PCDHA10: variants seen among roughly 807,000 people sequenced by gnomAD.
PCDHA10 encodes protocadherin alpha 10.
Under a neutral mutation model 61.2 loss-of-function variants are expected in PCDHA10, and 45 were observed. The observed-to-expected ratio is 0.74, with a 90% CI of 0.58 to 0.94. The LOEUF (loss-of-function observed/expected upper bound fraction) is 0.94. Among genes scored for constraint, PCDHA10 ranks in the 40% least tolerant of loss-of-function variants. The pLI is 0.00. For synonymous variants in PCDHA10, 602 were observed against 548.8 expected (o/e 1.10, Z -1.35); for missense variants, 1,278 against 1,236.2 (o/e 1.03, Z -0.51).
At chr5:140,870,593 G>C (rs991131905) in intron 1 of PCDHA10, 2 of 1,613,454 alleles carry the variant, frequency 1.2e-6, no homozygotes, top group Admixed American at 3.3e-5. Flanking sequence ...GTGGAGCGGC[G>C]GTTGGGCGAC....
intron 1 of PCDHA10, among the ~76,000 whole-genome samples, chr5:140,894,027 A>G (rs1251239546): frequency 6.6e-6 from 1 of 152,206 alleles, no homozygotes; most frequent in Non-Finnish European, 1.5e-5. Context: ...AGTTCTGCAT[A>G]CTGGTAATGT....
At chr5:140,889,872 G>A (rs1554184085) in intron 1 of PCDHA10, among the ~76,000 whole-genome samples, 1 of 152,140 alleles carries the variant, frequency 6.6e-6, no homozygotes, top group South Asian at 2.1e-4. Flanking sequence ...GGGGAAGCCT[G>A]CCACCATGTA....
At chr5:140,917,301 G>T (rs2078005324) in intron 1 of PCDHA10, among the ~76,000 whole-genome samples, 1 of 138,576 alleles carries the variant, frequency 7.2e-6, no homozygotes, top group Non-Finnish European at 1.5e-5. Flanking sequence ...GCAGATAGTT[G>T]TTACAATTTG....
At chr5:140,991,590 G>A (rs1211923014) in intron 3 of PCDHA10, among the ~76,000 whole-genome samples, 2 of 152,098 alleles carry the variant, frequency 1.3e-5, no homozygotes, top group Non-Finnish European at 2.9e-5. Context: ...ATTTCTACCT[G>A]AGCCCTCACT....
chr5:140,941,255 C>CTTTCTTTTTCTT (rs782490896), intron 1 of PCDHA10, among the ~76,000 whole-genome samples: 1 of 44,508 alleles, frequency 2.2e-5, no homozygotes, highest in Non-Finnish European at 5.1e-5. Context: ...TTCTTTCTTT[C>CTTTCTTTTTCTT]TCTTTCTTTC....
intron 3 of PCDHA10, among the ~76,000 whole-genome samples, chr5:140,992,799 A>T (rs577698123): frequency 6.6e-6 from 1 of 152,274 alleles, no homozygotes; most frequent in African/African-American, 2.4e-5. Flanking sequence ...TTATGGATCC[A>T]TATGTATCTA....
chr5:140,928,428 C>T (rs1273911750), intron 1 of PCDHA10: 2 of 1,614,026 alleles, frequency 1.2e-6, no homozygotes, highest in Non-Finnish European at 8.5e-7. Flanking sequence ...CCAAAACTTC[C>T]TTTGACTTTG....
chr5:140,921,257 A>G lies in PCDHA10; in HGVS notation c.2389-57692A>G, dbSNP rs115706395. On this transcript the variant is annotated intron_variant, in intron 1 of 3. Coordinates refer to ENST00000307360, the MANE Select transcript of PCDHA10 (RefSeq NM_018901.4). The stretch of plus-strand genomic sequence containing the variant: ...ATTAAGCCACAGATCAAAAAGTCCT[A>G]GACTTTTATACTTACTTGAAAAAAA... 1.4e-3 allele frequency among the ~76,000 whole-genome samples: 213 copies of G among 152,258 alleles called. 1 individual carries two copies. The highest frequency in any genetic ancestry group is 4.8e-3 in the African/African-American group (199 of 41,532).
chr5:140,893,958 T>C (rs1391607597), intron 1 of PCDHA10, among the ~76,000 whole-genome samples: 2 of 152,228 alleles, frequency 1.3e-5, no homozygotes, highest in African/African-American at 4.8e-5. Flanking sequence ...ACTTTATTAG[T>C]CATTAGATAC....
intron 1 of PCDHA10, chr5:140,928,482 TG>T (rs782531828): frequency 6.2e-7 from 1 of 1,614,024 alleles, no homozygotes; most frequent in African/African-American, 1.3e-5. Context: ...GCCGGGATGG[TG>T]GCATTCCTCC....
At chr5:140,883,773 G>C (rs1362933627) in intron 1 of PCDHA10, 11 of 1,612,372 alleles carry the variant, frequency 6.8e-6, no homozygotes, top group Non-Finnish European at 9.3e-6. Context: ...GTGGGCGAGC[G>C]TGCGCTGTCG....
intron 1 of PCDHA10, among the ~76,000 whole-genome samples, chr5:140,921,194 A>T (rs187774850): frequency 1.3e-5 from 2 of 152,046 alleles, no homozygotes; most frequent in Admixed American, 1.3e-4. Context: ...TTCACAATAG[A>T]TTGACAACGA....
At position 140,858,366 on chromosome 5, in the gene PCDHA10, G is replaced by A. The variant is rs2045372675; in HGVS notation, c.2318G>A (p.Ser773Asn). 1 of 1,590,834 alleles carries A rather than the reference G, an allele frequency of 6.3e-7. No individual in the cohort carries two copies. Among genetic ancestry groups the A allele is most frequent in the Admixed American group, 1.7e-5 (1 of 57,990 alleles). ...GCGGACCTCATGGCCTTCAGCCCCAGCCTTCCACCATGCCCAATGGTAGAT... is the reference window on the plus strand; with the variant it reads ...GCGGACCTCATGGCCTTCAGCCCCAACCTTCCACCATGCCCAATGGTAGAT... Reference protein sequence around the residue: ...PKADLMAFSPSLPPCPMVDVD... With the variant: ...PKADLMAFSPNLPPCPMVDVD... The change falls in exon 1 of 4, where the codon AGC becomes AAC. Residue 773 changes from serine to asparagine, a missense_variant. Transcript: ENST00000307360.
chr5:140,921,017 T>C (rs2153559418), intron 1 of PCDHA10, among the ~76,000 whole-genome samples: 1 of 152,192 alleles, frequency 6.6e-6, no homozygotes, highest in African/African-American at 2.4e-5. Context: ...TCTTGCTATG[T>C]TTTCTAGACT....
intron 1 of PCDHA10, among the ~76,000 whole-genome samples, chr5:140,886,681 C>T (rs1184298079): frequency 1.3e-5 from 2 of 151,832 alleles, no homozygotes; most frequent in Admixed American, 6.6e-5. Context: ...CAAAAATTAG[C>T]GAGGCATGGT....
In PCDHA10 at chr5:140,876,944, C is replaced by T. The variant is rs550148099; in HGVS notation, c.2388+18508C>T. On this transcript the variant is annotated intron_variant, in intron 1 of 3. Transcript: ENST00000307360. ...GACGCGCAGAAGAACGCGCTGGTGT[C>T]CTACTCGCTGGTGGAGCGGCGGGTG... is the stretch of plus-strand genomic sequence containing the variant. The T allele has an allele frequency of 9.9e-6, 16 of 1,613,620 alleles. No individual in the cohort carries two copies. In the South Asian group the frequency reaches 1.5e-4, roughly 16 times the overall value.
At chr5:140,969,457 T>C (rs1554231852) in intron 1 of PCDHA10, 1 of 1,505,602 alleles carries the variant, frequency 6.6e-7, no homozygotes, top group Admixed American at 2.2e-5. Context: ...TGAGTATATA[T>C]AGTATCCACA....
chr5:140,883,777 G>T, intron 1 of PCDHA10: 3 of 1,612,364 alleles, frequency 1.9e-6, no homozygotes, highest in Non-Finnish European at 1.7e-6. Flanking sequence ...GCGAGCGTGC[G>T]CTGTCGAGCT....
chr5:140,887,238 C>A (rs1191260946), intron 1 of PCDHA10, among the ~76,000 whole-genome samples: 3 of 151,738 alleles, frequency 2.0e-5, no homozygotes, highest in African/African-American at 4.8e-5. Flanking sequence ...CTGAGACTAC[C>A]GGCGCCCGCC....
Sources: allele counts gnomAD v4.1 joint callset (sites outside exome capture counted in the v4.1 genomes callset), GRCh38; gene constraint gnomAD v4.1.1; transcripts MANE v1.5; gene names NCBI Gene and HGNC (gene_info 2026-07-23, HGNC 2026-07-21).